The following YBEY variants were observed in gnomAD, a reference collection of about 807,000 sequenced individuals.
YBEY encodes ybeY metalloendoribonuclease, also known as endoribonuclease YbeY.
YBEY carries 15 observed loss-of-function variants against 13.5 expected under a neutral mutation model. The ratio of observed to expected loss-of-function variants is 1.11; its 90% CI spans 0.75 to 1.72. The LOEUF (loss-of-function observed/expected upper bound fraction) is 1.72, where lower values mean the gene tolerates loss of function less well. YBEY is among the 40% of genes most tolerant of loss of function. YBEY has a pLI of 0.00. For missense variants in YBEY, 244 were observed against 208.4 expected, an observed-to-expected ratio of 1.17 and a Z score of -1.05; for synonymous variants, 101 against 83.1, an observed-to-expected ratio of 1.21 and a Z score of -1.17.
At position 46,297,558 on chromosome 21, in the gene YBEY, C is replaced by T. The variant is rs764017307; in HGVS notation, c.428C>T (p.Ala143Val). 5 of 1,391,824 alleles carry T rather than the reference C, an allele frequency of 3.6e-6. No homozygotes were observed. Among genetic ancestry groups the T allele is most frequent in the Admixed American group, 6.0e-5 (2 of 33,316 alleles). 86.2% of individuals were successfully genotyped at this position (1,391,824 alleles called of 1,614,324 possible). A position where few individuals can be genotyped will look rare whatever the true frequency, so the allele number is the denominator to read the frequency against. Residue 143 changes from alanine (A) to valine (V), a missense_variant, in exon 5 of 5, where the codon GCG becomes GTG. Coordinates refer to ENST00000397701, the MANE Select transcript of YBEY (RefSeq NM_001314025.2). The stretch of plus-strand genomic sequence containing the variant: ...TTCCAGATGTTCCAGAAGGAGAAGG[C>T]GGTGCTGGACGAGCTGGGCCGACGC... ...EWQQMFQKEK[A>V]VLDELGRRTG...
chr21:46,306,907 T>A, the YBEY span, among the ~76,000 whole-genome samples: 3 of 150,974 alleles, frequency 2.0e-5, no homozygotes, highest in Non-Finnish European at 4.4e-5. Context: ...TTTTATTTAT[T>A]TTTTTTAAGA....
intron 2 of YBEY, among the ~76,000 whole-genome samples, chr21:46,288,264 C>T (rs913537012): frequency 6.6e-6 from 1 of 152,246 alleles, no homozygotes; most frequent in Non-Finnish European, 1.5e-5. Context: ...TAGATGACTT[C>T]ATTCAAGGCT....
downstream of YBEY, among the ~76,000 whole-genome samples, chr21:46,298,434 C>CTTTTTTTTTTTTTTTTTTTTTTT (rs557264546): frequency 4.4e-3 from 425 of 97,052 alleles, 88 homozygotes; most frequent in Middle Eastern, 7.9e-3. Flanking sequence ...TTAATCCAAG[C>CTTTTTTTTTTTTTTTTTTTTTTT]TTTTTTTTTT....
chr21:46,297,229 G>T (rs189875351), intron 4 of YBEY, among the ~76,000 whole-genome samples: 12,664 of 151,654 alleles, frequency 0.084, 678 homozygotes, highest in Middle Eastern at 0.14. Flanking sequence ...AACCCGGGAG[G>T]TGGAGGTTGC....
intron 2 of YBEY, among the ~76,000 whole-genome samples, chr21:46,288,083 T>C (rs572593365): frequency 3.3e-5 from 5 of 151,390 alleles, no homozygotes; most frequent in Admixed American, 2.6e-4. Flanking sequence ...TCTCAGTGAA[T>C]TAGAAGAGAG....
chr21:46,287,668 T>C (rs13049797), intron 2 of YBEY, among the ~76,000 whole-genome samples: 62,182 of 151,888 alleles, frequency 0.41, 13,299 homozygotes, highest in Admixed American at 0.48. Context: ...ACCCAGAGTC[T>C]ACAATTACAC....
chr21:46,291,248 C>T, intron 2 of YBEY, 86 bp from the exon 3 acceptor site: 1 of 1,528,556 alleles, frequency 6.5e-7, no homozygotes, highest in Non-Finnish European at 8.8e-7. Context: ...TGCTTATTTG[C>T]CTTGGGATTA....
rs140433074 is a variant in YBEY, at chr21:46,291,454, G to C, written c.331G>C (p.Val111Leu). 2.7e-5 allele frequency: 44 copies of C among 1,613,648 alleles called. No homozygotes were observed. Among genetic ancestry groups the C allele is most frequent in the Admixed American group, 1.0e-4 (6 of 59,906 alleles). Residue 111 changes from valine (V) to leucine (L), a missense_variant, in exon 3 of 5, where the codon GTC becomes CTC. Coordinates refer to ENST00000397701, the MANE Select transcript of YBEY (RefSeq NM_001314025.2). ...QCKENEDYND[V>L]LTVTATHGLC... ...TAAAGAAAATGAAGATTACAATGAC[G>C]TCCTGACTGTAAGCGGGGATGCTGA...
chr21:46,286,798 G>A, intron 1 of YBEY, 72 bp from the exon 2 acceptor site: 1 of 835,126 alleles, frequency 1.2e-6, no homozygotes, highest in Non-Finnish European at 1.9e-6. Context: ...ATCTGATTGC[G>A]CGTGCATCTG....
the YBEY span, among the ~76,000 whole-genome samples, chr21:46,307,770 A>G: frequency 6.6e-6 from 1 of 152,172 alleles, no homozygotes; most frequent in Non-Finnish European, 1.5e-5. Context: ...CTGTCAGGTG[A>G]TTCAGCCATT....
At chr21:46,302,748 C>G (rs1432964604), downstream of YBEY, among the ~76,000 whole-genome samples, 10 of 125,056 alleles carry the variant, frequency 8.0e-5, no homozygotes, top group African/African-American at 2.4e-4. Flanking sequence ...GCGCCCTGAG[C>G]CCGTCTGCAC....
chr21:46,302,554 C>A, downstream of YBEY: 1 of 1,609,662 alleles, frequency 6.2e-7, no homozygotes, highest in South Asian at 1.1e-5. Flanking sequence ...GTGCGTTCTG[C>A]AGCAGCAGCA....
the YBEY span, chr21:46,312,966 T>G: frequency 7.7e-5 from 76 of 984,248 alleles, no homozygotes; most frequent in Non-Finnish European, 8.9e-5. Context: ...TAGCCAAATA[T>G]TCGAGCATGA....
downstream of YBEY, among the ~76,000 whole-genome samples, chr21:46,298,522 G>A (rs1040740907): frequency 7.5e-5 from 11 of 146,720 alleles, no homozygotes; most frequent in Non-Finnish European, 1.5e-5. Context: ...TCCGCCCGCC[G>A]GGGTTCACGC....
intron 2 of YBEY, 54 bp from the exon 3 acceptor site, chr21:46,291,280 C>T: frequency 1.2e-6 from 2 of 1,607,922 alleles, no homozygotes; most frequent in Non-Finnish European, 1.7e-6. Flanking sequence ...ACCTGTCAAC[C>T]TGTGGTTGGG....
At chr21:46,303,784 C>T in the YBEY span, among the ~76,000 whole-genome samples, 2 of 117,664 alleles carry the variant, frequency 1.7e-5, no homozygotes, top group African/African-American at 6.6e-5. Flanking sequence ...CAGAGTCTTG[C>T]TCTGTCGCCG....
chr21:46,292,916 G>A (rs369582993), intron 3 of YBEY, among the ~76,000 whole-genome samples: 52 of 36,930 alleles, frequency 1.4e-3, no homozygotes, highest in South Asian at 5.3e-3. Flanking sequence ...GACTCAGTGG[G>A]GACAGCCACA....
chr21:46,306,430 C>T, the YBEY span, among the ~76,000 whole-genome samples: 5 of 152,006 alleles, frequency 3.3e-5, no homozygotes, highest in Admixed American at 6.6e-5. Context: ...ACCTAGGAGG[C>T]GGAGGTTGCA....
chr21:46,291,018 GGA>G (rs1569096521), intron 2 of YBEY, among the ~76,000 whole-genome samples: 2 of 134,048 alleles, frequency 1.5e-5, no homozygotes. Flanking sequence ...CTCTGTCTCA[GGA>G]AAAAAAAAAA....
Sources: allele counts gnomAD v4.1 joint callset (sites outside exome capture counted in the v4.1 genomes callset), GRCh38; gene constraint gnomAD v4.1.1; transcripts MANE v1.5; gene names NCBI Gene and HGNC (gene_info 2026-07-23, HGNC 2026-07-21).